The following PIP5K1B variants were observed in gnomAD, a reference collection of about 807,000 sequenced individuals.
PIP5K1B encodes phosphatidylinositol-4-phosphate 5-kinase type 1 beta.
In PIP5K1B, 42 loss-of-function variants were observed where a neutral mutation model predicts 67.0. That is an observed-to-expected ratio of 0.63 (90% confidence interval 0.49 to 0.81). The LOEUF is 0.81. Among genes scored for constraint, PIP5K1B ranks in the 30% least tolerant of loss-of-function variants. The pLI is 0.00. For missense variants in PIP5K1B, 459 were observed against 646.3 expected, an observed-to-expected ratio of 0.71 and a Z score of 3.14; for synonymous variants, 214 against 231.4, an observed-to-expected ratio of 0.92 and a Z score of 0.68.
chr9:68,855,756 T>G (rs1439591510), intron 4 of PIP5K1B, among the ~76,000 whole-genome samples: 2 of 152,122 alleles, frequency 1.3e-5, no homozygotes, highest in African/African-American at 4.8e-5. Flanking sequence ...ATCACTTTCC[T>G]GCCTATAATC....
At chr9:68,812,250 A>G (rs1833208087) in intron 2 of PIP5K1B, among the ~76,000 whole-genome samples, 1 of 152,246 alleles carries the variant, frequency 6.6e-6, no homozygotes, top group African/African-American at 2.4e-5. Context: ...AGAATAAATG[A>G]AATCACATAT....
At chr9:68,744,585 T>C (rs1197431854) in intron 2 of PIP5K1B, among the ~76,000 whole-genome samples, 1 of 152,216 alleles carries the variant, frequency 6.6e-6, no homozygotes, top group Non-Finnish European at 1.5e-5. Context: ...GGTTGGAGGC[T>C]TTTTCTCTTG....
chr9:68,984,066 A>C (rs1262939072), intron 14 of PIP5K1B, among the ~76,000 whole-genome samples: 2 of 152,152 alleles, frequency 1.3e-5, no homozygotes, highest in Admixed American at 6.6e-5. Flanking sequence ...AAAAAATACA[A>C]ATTAAATAAC....
chr9:68,863,776 G>C lies in PIP5K1B; in HGVS notation c.70-61G>C, dbSNP rs192923394. ...GAACCTCACTCATGTTTTGTTGCCT[G>C]TACCATTGAACAAGGCCCTGACTGT... On this transcript the variant is annotated intron_variant, in intron 4 of 15. Coordinates refer to ENST00000265382, the MANE Select transcript of PIP5K1B (RefSeq NM_003558.4). 2.7e-6 allele frequency: 4 copies of C among 1,481,588 alleles called. No homozygotes were observed. The Admixed American group carries it at 7.2e-5, about 27-fold the overall frequency. 91.8% of individuals were successfully genotyped at this position (1,481,588 alleles called of 1,614,324 possible).
At chr9:68,844,355 A>T (rs1418433464) in intron 4 of PIP5K1B, among the ~76,000 whole-genome samples, 2 of 152,176 alleles carry the variant, frequency 1.3e-5, no homozygotes, top group African/African-American at 4.8e-5. Flanking sequence ...ATGCCTGGGA[A>T]GGGGGAACCA....
chr9:68,749,353 G>A (rs1294330716), intron 2 of PIP5K1B, among the ~76,000 whole-genome samples: 1 of 152,166 alleles, frequency 6.6e-6, no homozygotes, highest in Non-Finnish European at 1.5e-5. Flanking sequence ...GCCAATTCTG[G>A]CAGCCACCAG....
chr9:68,739,933 T>C (rs924452962), intron 1 of PIP5K1B: 3 of 152,236 alleles, frequency 2.0e-5, no homozygotes, highest in African/African-American at 7.2e-5. Context: ...GGTTAGCACA[T>C]TGGGCAGGGA....
chr9:68,828,713 A>G (rs1834120855), intron 4 of PIP5K1B, among the ~76,000 whole-genome samples: 1 of 152,232 alleles, frequency 6.6e-6, no homozygotes, highest in Non-Finnish European at 1.5e-5. Context: ...GACAGCTGGT[A>G]ACACTGTCTG....
chr9:68,942,162 A>G (rs1282273540), intron 14 of PIP5K1B, among the ~76,000 whole-genome samples: 14 of 152,240 alleles, frequency 9.2e-5, no homozygotes, highest in Non-Finnish European at 4.4e-5. Flanking sequence ...AAATGTTTAA[A>G]CCTGGTATGT....
At chr9:68,989,032 T>C (rs1010642565) in intron 14 of PIP5K1B, among the ~76,000 whole-genome samples, 2 of 132,138 alleles carry the variant, frequency 1.5e-5, no homozygotes, top group African/African-American at 5.8e-5. Context: ...GAGGCAGAGA[T>C]TGCAGTGAGC....
rs986818521 is a variant in PIP5K1B at position 68,705,328 on chromosome 9, C to G, written c.-677C>G. The G allele has an allele frequency of 7.0e-4, 106 of 151,532 alleles. No individual in the cohort carries two copies. Among genetic ancestry groups the G allele is most frequent in the African/African-American group, 2.5e-3 (103 of 41,504 alleles). The allele number at this position is 151,532 out of a possible 1,614,324, so 9.4% of individuals were successfully genotyped here. ...GCGCCGCTGCTGCTCCTCTCGGTCC[C>G]CGGTTCCCGGTCCCCGAACGCGCCG... On this transcript the variant is annotated 5_prime_UTR_variant, in exon 1 of 16. Transcript: ENST00000265382.
chr9:68,775,978 C>T (rs1830897068), intron 2 of PIP5K1B, among the ~76,000 whole-genome samples: 1 of 152,138 alleles, frequency 6.6e-6, no homozygotes, highest in African/African-American at 2.4e-5. Flanking sequence ...CAGATGCCCT[C>T]ATTTCTCTTG....
chr9:68,997,462 G>C (rs935157155), intron 15 of PIP5K1B, among the ~76,000 whole-genome samples: 6 of 152,254 alleles, frequency 3.9e-5, no homozygotes, highest in African/African-American at 2.4e-5. Flanking sequence ...GATGCTGCTC[G>C]GGTTTTTGGT....
chr9:68,725,509 G>T (rs1345924163), intron 1 of PIP5K1B, among the ~76,000 whole-genome samples: 1 of 152,154 alleles, frequency 6.6e-6, no homozygotes, highest in African/African-American at 2.4e-5. Context: ...CAGGCTCAGG[G>T]TAGCCACCAT....
chr9:68,926,514 A>G (rs1826709824), intron 12 of PIP5K1B, among the ~76,000 whole-genome samples: 2 of 152,140 alleles, frequency 1.3e-5, no homozygotes, highest in South Asian at 2.1e-4. Flanking sequence ...GTACAGGCCT[A>G]TGATTCTTGA....
intron 4 of PIP5K1B, among the ~76,000 whole-genome samples, chr9:68,841,554 C>T (rs1414945): frequency 0.056 from 8,498 of 152,226 alleles, 472 homozygotes; most frequent in African/African-American, 0.14. Context: ...TGGTATTTTC[C>T]ATCTTTCGTC....
chr9:68,770,271 A>G (rs559579536), intron 2 of PIP5K1B, among the ~76,000 whole-genome samples: 37 of 152,224 alleles, frequency 2.4e-4, no homozygotes, highest in Admixed American at 7.9e-4. Context: ...TAATTAGCTA[A>G]GCCTCCGACT....
chr9:68,788,717 C>T, intron 2 of PIP5K1B: 1 of 261,180 alleles, frequency 3.8e-6, no homozygotes, highest in South Asian at 5.1e-5. Flanking sequence ...CGTTTAGGAC[C>T]CCTTTGGGCA....
rs1831213392 is a variant in PIP5K1B at position 69,009,148 on chromosome 9, G to A, written c.*699G>A. On this transcript the variant is annotated 3_prime_UTR_variant, in exon 16 of 16. Transcript: ENST00000265382. ...AAATACTACTGTAAACTATAGTTTT[G>A]TGAGAGAAATAAAATATTTTGTTCT... 6.6e-6 allele frequency: 1 copy of A among 152,578 alleles called. No individual in the cohort carries two copies. Among genetic ancestry groups the A allele is most frequent in the African/African-American group, 2.4e-5 (1 of 41,442 alleles). The allele number at this position is 152,578 out of a possible 1,614,324, so 9.5% of individuals were successfully genotyped here.
Sources: gnomAD v4.1 joint callset for allele counts (sites outside exome capture counted in the v4.1 genomes callset) on GRCh38, gnomAD v4.1.1 for gene constraint, MANE v1.5 for transcripts, NCBI Gene and HGNC (gene_info 2026-07-23, HGNC 2026-07-21) for gene names.